DHX40: variants seen among roughly 807,000 people sequenced by gnomAD.
DHX40 encodes the protein probable ATP-dependent RNA helicase DHX40.
A neutral mutation model predicts 89.6 loss-of-function variants in DHX40; 28 were observed. The ratio of observed to expected loss-of-function variants is 0.31; its 90% confidence interval spans 0.23 to 0.43. DHX40 has a LOEUF of 0.43. Ranked by LOEUF, DHX40 falls within the 20% of genes least tolerant of loss-of-function variation. The pLI, the probability that DHX40 is intolerant of heterozygous loss-of-function variation, is 1.00. For synonymous variants in DHX40, 226 were observed against 283.6 expected (o/e 0.80, Z 2.04); for missense variants, 457 against 844.0 (o/e 0.54, Z 5.68).
chr17:59,593,618 G>T (rs930834805), intron 12 of DHX40, among the ~76,000 whole-genome samples: 3 of 70,278 alleles, frequency 4.3e-5, no homozygotes, highest in Non-Finnish European at 7.9e-5. Context: ...TAGGATTACA[G>T]GCTTGCATCA....
intron 15 of DHX40, chr17:59,604,881 CCTTATACCTAATTGTAGTGA>C (rs895033692): frequency 1.3e-4 from 62 of 467,802 alleles, no homozygotes; most frequent in African/African-American, 8.7e-4. Context: ...TGTACTGATT[CCTTATACCTAATTGTAGTGA>C]CTTATACCTA....
intron 11 of DHX40, among the ~76,000 whole-genome samples, chr17:59,586,691 T>C (rs1439457825): frequency 6.0e-5 from 9 of 150,590 alleles, no homozygotes; most frequent in Non-Finnish European, 8.9e-5. Flanking sequence ...AGAAAGAAAC[T>C]GCACGGTATA....
intron 5 of DHX40, 25 bp from the exon 6 acceptor site, chr17:59,574,163 A>G (rs2048849357): frequency 7.6e-6 from 4 of 523,726 alleles, no homozygotes; most frequent in Non-Finnish European, 1.3e-5. Flanking sequence ...CCACTAGCAT[A>G]TTATGCCTGC....
At position 59,590,007 on chromosome 17, in the gene DHX40, A is replaced by G. The variant is rs574430758; in HGVS notation, c.1582+1954A>G. ...ATTGCAGGCATGAGCCACCACGCCCAGCCCGGCGTTAATTTCCTTTCATTA... is the reference window on the plus strand; with the variant it reads ...ATTGCAGGCATGAGCCACCACGCCCGGCCCGGCGTTAATTTCCTTTCATTA... On this transcript the variant is annotated intron_variant, in intron 12 of 17. Transcript: ENST00000251241. Among the ~76,000 whole-genome samples, 20 of 151,788 alleles carry G rather than the reference A, an allele frequency of 1.3e-4. No homozygotes were observed. The East Asian group carries it at 3.9e-3, about 29-fold the overall frequency.
At position 59,588,053 on chromosome 17, in the gene DHX40, G is replaced by T. The variant is rs1200886600; in HGVS notation, c.1582G>T (p.Val528Phe). Residue 528 changes from valine (V) to phenylalanine (F), a missense_variant and splice_region_variant, in exon 12 of 18, where the codon GTT (valine) becomes TTT (phenylalanine). Val to Phe is a conservative substitution (Grantham distance 50). This residue lies in a region of DHX40 where 6 missense variants were observed against 77.3 expected (regional missense o/e 0.08). Coordinates refer to ENST00000251241, the MANE Select transcript of DHX40 (RefSeq NM_024612.5). ...TGTGGAAAACGTCTTCATTAGACCT[G>T]GTAAGATGTTTATTTTAAGTTGTGT... ...LSVENVFIRP[V>F]DPEYQKEAEQ... 6.2e-7 allele frequency: 1 copy of T among 1,611,810 alleles called. No individual in the cohort carries two copies. The highest frequency in any genetic ancestry group is 1.3e-5 in the African/African-American group (1 of 74,588).
At position 59,565,755 on chromosome 17, in the gene DHX40, G is replaced by C. The variant is rs1364108441; in HGVS notation, c.84G>C (p.Arg28=). The C allele has an allele frequency of 1.9e-6, 3 of 1,604,728 alleles. No homozygotes were observed. The Admixed American group carries it at 5.0e-5, about 27-fold the overall frequency. The change falls in exon 1 of 18, where the codon CGG becomes CGC. Residue 28 remains arginine, a synonymous_variant. Transcript: ENST00000251241. ...GGTCAAGAGACCTCCAGGAAGAGCG[G>C]CTCTCGGCTGTTTGCATCGCCGATA... is the stretch of plus-strand genomic sequence containing the variant. ...GERSRDLQEE[R]LSAVCIADRE...
intron 12 of DHX40, 55 bp downstream of exon 12, chr17:59,588,108 C>T (rs529761064): frequency 1.4e-5 from 22 of 1,588,706 alleles, no homozygotes; most frequent in South Asian, 3.4e-5. Context: ...TGGCTGGGCA[C>T]GGTGGCTCAC....
Position 59,602,517 on chromosome 17 carries a change from T to G in DHX40, c.1807-5T>G, listed in dbSNP as rs773227463. On this transcript the variant is annotated splice_polypyrimidine_tract_variant and splice_region_variant and intron_variant, in intron 14 of 17. Coordinates refer to ENST00000251241, the MANE Select transcript of DHX40 (RefSeq NM_024612.5). Reference sequence around the variant, plus strand: ...TTTACCACTCTCTACATATTCTTTTTATAGCAAAGTGATTTCCCAAAAGAG... The same window carrying G: ...TTTACCACTCTCTACATATTCTTTTGATAGCAAAGTGATTTCCCAAAAGAG... The G allele has an allele frequency of 1.9e-6, 3 of 1,609,000 alleles. No homozygotes were observed. In the Admixed American group the frequency reaches 5.0e-5, roughly 27 times the overall value.
chr17:59,580,956 A>G (rs1429971610), intron 10 of DHX40, among the ~76,000 whole-genome samples: 1 of 150,378 alleles, frequency 6.6e-6, no homozygotes, highest in Non-Finnish European at 1.5e-5. Flanking sequence ...GTGGCACGTG[A>G]TTGTAGTCCC....
chr17:59,572,137 T>C (rs1225009445), intron 3 of DHX40, among the ~76,000 whole-genome samples: 2 of 152,206 alleles, frequency 1.3e-5, no homozygotes, highest in African/African-American at 4.8e-5. Flanking sequence ...TAGTGAATAT[T>C]ATAATTTACA....
At chr17:59,586,069 T>G (rs1468761668) in intron 10 of DHX40, 84 bp from the exon 11 acceptor site, 43 of 941,508 alleles carry the variant, frequency 4.6e-5, no homozygotes, top group Non-Finnish European at 6.5e-5. Context: ...ATAAAACCTT[T>G]TAAAGAAATT....
chr17:59,605,077 C>T, intron 15 of DHX40, 38 bp from the exon 16 acceptor site: 2 of 1,551,692 alleles, frequency 1.3e-6, no homozygotes, highest in Non-Finnish European at 1.8e-6. Flanking sequence ...CATTGCTTTA[C>T]TGTTGTAGTC....
At chr17:59,566,889 T>C in intron 2 of DHX40, 95 bp downstream of exon 2, 1 of 1,148,556 alleles carries the variant, frequency 8.7e-7, no homozygotes, top group Non-Finnish European at 1.2e-6. Flanking sequence ...TGCCCAGTAT[T>C]TGCTTTATAG....
intron 3 of DHX40, among the ~76,000 whole-genome samples, chr17:59,571,627 A>G (rs868029682): frequency 4.7e-4 from 68 of 144,114 alleles, no homozygotes; most frequent in African/African-American, 1.6e-3. Context: ...GTCTCACACC[A>G]TTGCCCGGGC....
In DHX40 at chr17:59,566,737, A is replaced by G. The variant is rs1183430843; in HGVS notation, c.223A>G (p.Thr75Ala). The change falls in exon 2 of 18, where the codon ACT becomes GCT. Residue 75 changes from threonine to alanine, a missense_variant. Coordinates refer to ENST00000251241, the MANE Select transcript of DHX40 (RefSeq NM_024612.5). Reference protein sequence around the residue: ...AVRDNSFLIVTGNTGSGKTTQ... With the variant: ...AVRDNSFLIVAGNTGSGKTTQ... Reference sequence around the variant, plus strand: ...GAGGGACAATTCATTCCTTATTGTTACTGGAAATACAGGAAGTGGTAAAAC... The same window carrying G: ...GAGGGACAATTCATTCCTTATTGTTGCTGGAAATACAGGAAGTGGTAAAAC... 4 of 1,600,678 alleles carry G rather than the reference A, an allele frequency of 2.5e-6. No individual in the cohort carries two copies. Among genetic ancestry groups the G allele is most frequent in the Non-Finnish European group, 3.4e-6 (4 of 1,176,928 alleles).
intron 2 of DHX40, among the ~76,000 whole-genome samples, chr17:59,570,200 T>C (rs1168405742): frequency 3.4e-5 from 4 of 116,806 alleles, no homozygotes; most frequent in Non-Finnish European, 4.8e-5. Flanking sequence ...TATAATATAT[T>C]ATAATATATA....
chr17:59,607,384 G>A lies in DHX40; in HGVS notation c.*212G>A, dbSNP rs1456852459. ...AAAGATTTGGTTGCCATAGTCATAA[G>A]CAATGATACATGAAACCAATGAAAG... On this transcript the variant is annotated 3_prime_UTR_variant, in exon 18 of 18. Coordinates refer to ENST00000251241, the MANE Select transcript of DHX40 (RefSeq NM_024612.5). 1 of 873,462 alleles carries A rather than the reference G, an allele frequency of 1.1e-6. No homozygotes were observed. Among genetic ancestry groups the A allele is most frequent in the Admixed American group, 2.4e-5 (1 of 41,828 alleles). The allele number at this position is 873,462 out of a possible 1,614,324, so 54.1% of individuals were successfully genotyped here. A position where few individuals can be genotyped will look rare whatever the true frequency, so the allele number is the denominator to read the frequency against.
rs1419759622 is a variant in DHX40 at position 59,570,219 on chromosome 17, TAAATATATATTA to T, written c.281-298_281-287del. On this transcript the variant is annotated intron_variant, in intron 2 of 17. Coordinates refer to ENST00000251241, the MANE Select transcript of DHX40 (RefSeq NM_024612.5). Reference sequence around the variant, plus strand: ...ATATATTATAATATATATTATATATTAAATATATATTAGTATATAATATATATAATATATAAA... The same window carrying T: ...ATATATTATAATATATATTATATATTGTATATAATATATATAATATATAAA... Among the ~76,000 whole-genome samples the T allele has an allele frequency of 3.2e-3, 364 of 114,694 alleles. 3 individuals carry two copies. Among genetic ancestry groups the T allele is most frequent in the Middle Eastern group, 7.9e-3 (2 of 252 alleles). 75.2% of individuals were successfully genotyped at this position (114,694 alleles called of 152,430 possible).
At chr17:59,603,634 GTCTA>G (rs1567901593) in intron 15 of DHX40, 1 of 152,126 alleles carries the variant, frequency 6.6e-6, no homozygotes, top group Non-Finnish European at 1.5e-5. Context: ...GTGAAATCGT[GTCTA>G]TCGTGGTATA....
Sources: allele counts gnomAD v4.1 joint callset (sites outside exome capture counted in the v4.1 genomes callset), GRCh38; gene constraint gnomAD v4.1.1; regional missense constraint gnomAD v4.1.1; transcripts MANE v1.5; gene names NCBI Gene and HGNC (gene_info 2026-07-23, HGNC 2026-07-21).